SPMIP6: variants seen among roughly 807,000 people sequenced by gnomAD.
The protein encoded by SPMIP6 is ciliated bronchial epithelial protein 1.
At chr9:34,379,150 C>A in the SPMIP6 span, 2 of 1,613,730 alleles carry the variant, frequency 1.2e-6, no homozygotes, top group Non-Finnish European at 1.7e-6. This position sits in a 1 kb window ranked among gnomAD's most constrained non-coding sequence, Gnocchi z 4.2. Flanking sequence ...CTCTGGGGAC[C>A]ACCAGACTTC....
chr9:34,379,718 T>C, the SPMIP6 span: 12 of 1,613,862 alleles, frequency 7.4e-6, no homozygotes, highest in Admixed American at 1.0e-4. The surrounding 1 kb of genome is among the most constrained non-coding windows in gnomAD (Gnocchi z 4.2). Context: ...CCGGTGCTCG[T>C]AGGGAGGTAC....
the SPMIP6 span, chr9:34,382,626 A>G: frequency 2.9e-6 from 2 of 698,312 alleles, no homozygotes; most frequent in Admixed American, 4.5e-5. Context: ...CAGATGCGGA[A>G]GAGCTCTGGG....
At chr9:34,380,944 G>A in the SPMIP6 span, 1 of 1,603,036 alleles carries the variant, frequency 6.2e-7, no homozygotes, top group South Asian at 1.1e-5. Context: ...GGCGGTCGGT[G>A]CAGGGCGCCC....
chr9:34,391,635 T>C, the SPMIP6 span, among the ~76,000 whole-genome samples: 1 of 152,208 alleles, frequency 6.6e-6, no homozygotes, highest in Non-Finnish European at 1.5e-5. Context: ...TTATTTAGAA[T>C]GGTGGTTTTC....
chr9:34,390,407 A>G, the SPMIP6 span, among the ~76,000 whole-genome samples: 1 of 152,144 alleles, frequency 6.6e-6, no homozygotes, highest in Non-Finnish European at 1.5e-5. Flanking sequence ...CATACCATAA[A>G]TTTCACTCAA....
At chr9:34,384,283 T>C in the SPMIP6 span, among the ~76,000 whole-genome samples, 1 of 152,160 alleles carries the variant, frequency 6.6e-6, no homozygotes, top group South Asian at 2.1e-4. Context: ...TAAAGGCTTG[T>C]GTTAAATCAA....
the SPMIP6 span, chr9:34,379,097 A>G: frequency 6.2e-7 from 1 of 1,610,498 alleles, no homozygotes; most frequent in Non-Finnish European, 8.5e-7. The surrounding 1 kb of genome is among the most constrained non-coding windows in gnomAD (Gnocchi z 4.2). Flanking sequence ...GATAGTCGGG[A>G]TAGGTCTCAG....
the SPMIP6 span, among the ~76,000 whole-genome samples, chr9:34,386,171 C>G: frequency 6.6e-6 from 1 of 152,124 alleles, no homozygotes; most frequent in African/African-American, 2.4e-5. Context: ...TGCATCAGGC[C>G]CCAGTCTCAG....
the SPMIP6 span, among the ~76,000 whole-genome samples, chr9:34,385,283 G>A: frequency 1.6e-4 from 24 of 152,160 alleles, no homozygotes; most frequent in South Asian, 5.0e-3. Context: ...TGTAATCCCA[G>A]CATTTTGGGA....
At chr9:34,381,719 C>T in the SPMIP6 span, 5 of 1,348,462 alleles carry the variant, frequency 3.7e-6, no homozygotes, top group East Asian at 2.8e-5. The surrounding 1 kb of genome is among the most constrained non-coding windows in gnomAD (Gnocchi z 4.4). Context: ...TTTGATTTTA[C>T]CCCTCTTTGT....
At chr9:34,380,970 C>A in the SPMIP6 span, 277 of 1,607,694 alleles carry the variant, frequency 1.7e-4, 1 homozygote, top group South Asian at 2.9e-3. Flanking sequence ...GCGTAGTAGT[C>A]CATCCCGCGC....
the SPMIP6 span, chr9:34,382,874 A>G: frequency 6.3e-7 from 1 of 1,576,390 alleles, no homozygotes; most frequent in Non-Finnish European, 8.7e-7. Flanking sequence ...TGTCTGCTGG[A>G]TAATAGGGGT....
the SPMIP6 span, among the ~76,000 whole-genome samples, chr9:34,395,583 C>T: frequency 6.6e-6 from 1 of 152,150 alleles, no homozygotes; most frequent in African/African-American, 2.4e-5. Context: ...TATGACTTCA[C>T]CCACCATTTA....
chr9:34,384,112 G>A, the SPMIP6 span, among the ~76,000 whole-genome samples: 1 of 152,166 alleles, frequency 6.6e-6, no homozygotes, highest in East Asian at 1.9e-4. Context: ...TGAGGGGAGG[G>A]GTGCAGTGCT....
At chr9:34,390,765 G>A in the SPMIP6 span, among the ~76,000 whole-genome samples, 1 of 151,966 alleles carries the variant, frequency 6.6e-6, no homozygotes, top group Non-Finnish European at 1.5e-5. Flanking sequence ...GACCATAGGT[G>A]TGTGCCACCA....
the SPMIP6 span, among the ~76,000 whole-genome samples, chr9:34,384,740 T>C: frequency 6.6e-6 from 1 of 152,224 alleles, no homozygotes; most frequent in Admixed American, 6.5e-5. Context: ...TCTTTTCGAA[T>C]GTACAGCCAG....
the SPMIP6 span, among the ~76,000 whole-genome samples, chr9:34,395,432 A>G: frequency 6.6e-6 from 1 of 151,752 alleles, no homozygotes; most frequent in East Asian, 1.9e-4. Context: ...TTTATCTTTG[A>G]TTTTCCTCCT....
the SPMIP6 span, among the ~76,000 whole-genome samples, chr9:34,389,193 T>G: frequency 6.6e-6 from 1 of 152,124 alleles, no homozygotes; most frequent in Non-Finnish European, 1.5e-5. Context: ...TGCCTTAGAC[T>G]CCCAAAGTAC....
the SPMIP6 span, among the ~76,000 whole-genome samples, chr9:34,385,070 G>A: frequency 3.3e-5 from 5 of 152,054 alleles, no homozygotes; most frequent in African/African-American, 9.7e-5. Flanking sequence ...TCTCCAACTC[G>A]CTAAGGATGG....
Sources: gnomAD v4.1 joint callset for allele counts (sites outside exome capture counted in the v4.1 genomes callset) on GRCh38, gnomAD v4.1.1 for gene constraint, Gnocchi (gnomAD v3.1) non-coding constraint, MANE v1.5 for transcripts, NCBI Gene and HGNC (gene_info 2026-07-23, HGNC 2026-07-21) for gene names.